Variants in VPS50 observed in about 807,000 individuals in gnomAD.
VPS50 encodes the protein VPS50 subunit of EARP/GARPII complex.
VPS50 carries 70 observed loss-of-function variants against 139.7 expected under a neutral mutation model. The ratio of observed to expected loss-of-function variants is 0.50; its 90% CI spans 0.41 to 0.61. VPS50 has a LOEUF of 0.61. Ranked by LOEUF, VPS50 falls within the 20% of genes least tolerant of loss-of-function variation. VPS50 has a pLI of 0.00. For synonymous variants in VPS50, 365 were observed against 376.7 expected, an observed-to-expected ratio of 0.97 and a Z score of 0.36; for missense variants, 921 against 1,133.7, an observed-to-expected ratio of 0.81 and a Z score of 2.69.
At chr7:93,301,560 T>G (rs1464843314) in intron 16 of VPS50, among the ~76,000 whole-genome samples, 1 of 152,150 alleles carries the variant, frequency 6.6e-6, no homozygotes, top group Non-Finnish European at 1.5e-5. Flanking sequence ...TAGTTTTAAA[T>G]TACTGTGTAA....
intron 21 of VPS50, among the ~76,000 whole-genome samples, chr7:93,327,234 A>G (rs940766217): frequency 1.3e-5 from 2 of 152,194 alleles, no homozygotes; most frequent in African/African-American, 2.4e-5. Context: ...TGAAATATGT[A>G]TGACTAATGA....
chr7:93,248,501 C>T (rs1795220786), intron 2 of VPS50, among the ~76,000 whole-genome samples: 1 of 152,050 alleles, frequency 6.6e-6, no homozygotes, highest in Admixed American at 6.6e-5. Flanking sequence ...TAAATCAGTT[C>T]ACATCGTTAT....
intron 2 of VPS50, among the ~76,000 whole-genome samples, chr7:93,245,819 A>C (rs1795134455): frequency 1.3e-5 from 2 of 151,806 alleles, no homozygotes; most frequent in African/African-American, 4.8e-5. Flanking sequence ...ACGGATTATT[A>C]TTGTTGTTCT....
chr7:93,253,422 G>GT (rs1795393645), intron 3 of VPS50, among the ~76,000 whole-genome samples: 1 of 152,162 alleles, frequency 6.6e-6, no homozygotes, highest in Non-Finnish European at 1.5e-5. Context: ...TAGTACTTAT[G>GT]GTTTGTAATA....
chr7:93,340,346 T>C (rs1220753976), intron 22 of VPS50, among the ~76,000 whole-genome samples: 1 of 152,230 alleles, frequency 6.6e-6, no homozygotes, highest in Non-Finnish European at 1.5e-5. Context: ...ACTCTTGAGC[T>C]GGCAGTCTTC....
intron 17 of VPS50, 53 bp downstream of exon 17, chr7:93,303,603 C>CT (rs1039756408): frequency 1.7e-4 from 128 of 736,544 alleles, no homozygotes; most frequent in South Asian, 3.7e-4. Context: ...GTATTTTACC[C>CT]TTTTTTTTGA....
rs775679141 is a variant in VPS50, at chr7:93,341,567, G to A, written c.2199G>A (p.Thr733=). 25 of 1,603,444 alleles carry A rather than the reference G, an allele frequency of 1.6e-5. No homozygotes were observed. The Admixed American group carries it at 2.8e-4, about 18-fold the overall frequency. Residue 733 remains threonine (T), a synonymous_variant, in exon 23 of 28, where the codon ACG becomes ACA. Coordinates refer to ENST00000305866, the MANE Select transcript of VPS50 (RefSeq NM_017667.4). ...GGTTGGCAGAAAGAGTGGTAGCCAC[G>A]GAATCCTTGTAAGTTGTTCAAAACA... The part of the protein sequence containing the change: ...LYGLAERVVA[T]ESLVFLAEQF...
Position 93,360,297 on chromosome 7 carries a change from C to T in VPS50, c.*1861C>T, listed in dbSNP as rs1448640017. 1 of 151,834 alleles carries T rather than the reference C, an allele frequency of 6.6e-6. No individual in the cohort carries two copies. The highest frequency in any genetic ancestry group is 2.4e-5 in the African/African-American group (1 of 41,334). The allele number at this position is 151,834 out of a possible 1,614,324, so 9.4% of individuals were successfully genotyped here. A position where few individuals can be genotyped will look rare whatever the true frequency, so the allele number is the denominator to read the frequency against. On this transcript the variant is annotated 3_prime_UTR_variant, in exon 28 of 28. Transcript: ENST00000305866. ...GAATTGATACAAAAGAATTACTTAT[C>T]TTGTTAGAGACTCGACCATGCAATC... is the stretch of plus-strand genomic sequence containing the variant.
intron 2 of VPS50, among the ~76,000 whole-genome samples, chr7:93,244,552 G>C (rs1439308979): frequency 6.6e-6 from 1 of 151,762 alleles, no homozygotes; most frequent in Non-Finnish European, 1.5e-5. Context: ...AATCCTTTTT[G>C]CTCGAATGTT....
chr7:93,348,924 C>T, intron 24 of VPS50, 117 bp downstream of exon 24: 1 of 648,074 alleles, frequency 1.5e-6, no homozygotes, highest in Non-Finnish European at 2.7e-6. Context: ...CCAGGAGAGC[C>T]AGATAAAATA....
At chr7:93,337,396 A>G (rs1798096397) in intron 22 of VPS50, among the ~76,000 whole-genome samples, 1 of 152,264 alleles carries the variant, frequency 6.6e-6, no homozygotes, top group Non-Finnish European at 1.5e-5. Context: ...AGATAACTGT[A>G]TTCTCTCAGA....
chr7:93,323,628 A>G lies in VPS50; in HGVS notation c.1873A>G (p.Met625Val). Residue 625 changes from methionine (M) to valine (V), a missense_variant, in exon 21 of 28, where the codon ATG becomes GTG. Physicochemically the swap from Met to Val is conservative, Grantham distance 21. Coordinates refer to ENST00000305866, the MANE Select transcript of VPS50 (RefSeq NM_017667.4). ...CTTTTCAGGAAAATATATGCAGATG[A>G]TGAACATTCTTAAGCCAATTGCCTT... Reference protein sequence around the residue: ...IRLVGKYMQMMNILKPIAFDV... With the variant: ...IRLVGKYMQMVNILKPIAFDV... 7.6e-7 allele frequency: 1 copy of G among 1,307,786 alleles called. No homozygotes were observed. Among genetic ancestry groups the G allele is most frequent in the Non-Finnish European group, 1.0e-6 (1 of 979,956 alleles). The allele number at this position is 1,307,786 out of a possible 1,614,324, so 81.0% of individuals were successfully genotyped here. A position where few individuals can be genotyped will look rare whatever the true frequency, so the allele number is the denominator to read the frequency against.
intron 21 of VPS50, 113 bp from the exon 22 acceptor site, chr7:93,334,004 C>A (rs570743220): frequency 3.4e-5 from 24 of 711,772 alleles, no homozygotes; most frequent in Non-Finnish European, 6.0e-5. Context: ...TTTGGAAACC[C>A]TCTGAAGGCT....
At chr7:93,296,881 A>T in intron 15 of VPS50, 45 bp downstream of exon 15, 1 of 1,542,692 alleles carries the variant, frequency 6.5e-7, no homozygotes, top group Non-Finnish European at 8.7e-7. Context: ...GAGTCATTCA[A>T]CCATGATAAA....
chr7:93,334,081 CT>C, intron 21 of VPS50, 35 bp from the exon 22 acceptor site: 1 of 1,146,582 alleles, frequency 8.7e-7, no homozygotes. Flanking sequence ...GCAAGATGAT[CT>C]TTAGAACGAT....
Position 93,232,521 on chromosome 7 carries a change from C to A in VPS50, c.33+21C>A, listed in dbSNP as rs745328695. On this transcript the variant is annotated intron_variant, in intron 1 of 27. Coordinates refer to ENST00000305866, the MANE Select transcript of VPS50 (RefSeq NM_017667.4). ...GACAGGTAAGTCGCGGCGGCTGAAG[C>A]AAAGGCTTCCTTCATCTCGGAAGTG... 13 of 1,607,642 alleles carry A rather than the reference C, an allele frequency of 8.1e-6. No homozygotes were observed. The East Asian group carries it at 2.7e-4, about 33-fold the overall frequency.
At chr7:93,315,583 A>G (rs755043835) in intron 20 of VPS50, among the ~76,000 whole-genome samples, 1 of 152,216 alleles carries the variant, frequency 6.6e-6, no homozygotes, top group Admixed American at 6.5e-5. Flanking sequence ...AACACTGTGT[A>G]TCCTCCAGCT....
At chr7:93,338,007 C>T (rs1436068593) in intron 22 of VPS50, among the ~76,000 whole-genome samples, 2 of 152,002 alleles carry the variant, frequency 1.3e-5, no homozygotes, top group Admixed American at 1.3e-4. Context: ...CCCATTTTGC[C>T]CAAGTAAGTC....
intron 21 of VPS50, among the ~76,000 whole-genome samples, chr7:93,331,995 G>T (rs1255874357): frequency 6.6e-6 from 1 of 152,230 alleles, no homozygotes; most frequent in African/African-American, 2.4e-5. Flanking sequence ...CATCAGAGAA[G>T]TGCATGTTAA....
Sources: allele counts gnomAD v4.1 joint callset (sites outside exome capture counted in the v4.1 genomes callset), GRCh38; gene constraint gnomAD v4.1.1; transcripts MANE v1.5; gene names NCBI Gene and HGNC (gene_info 2026-07-23, HGNC 2026-07-21).